PTBP2: variants seen among roughly 807,000 people sequenced by gnomAD.
PTBP2 encodes polypyrimidine tract-binding protein 2.
A neutral mutation model predicts 61.4 loss-of-function variants in PTBP2; 13 were observed. The observed-to-expected ratio is 0.21, with a 90% CI of 0.14 to 0.34. The LOEUF is 0.34. Ranked by LOEUF, PTBP2 falls within the 10% of genes least tolerant of loss-of-function variation. PTBP2 has a pLI of 1.00. For missense variants in PTBP2, 405 were observed against 642.6 expected, an observed-to-expected ratio of 0.63 and a Z score of 4.00; for synonymous variants, 215 against 218.5, an observed-to-expected ratio of 0.98 and a Z score of 0.14.
intron 3 of PTBP2, among the ~76,000 whole-genome samples, chr1:96,755,165 C>T (rs1213896207): frequency 6.6e-6 from 1 of 152,100 alleles, no homozygotes; most frequent in African/African-American, 2.4e-5. Context: ...CAACAAACTA[C>T]TCAATGAATT....
chr1:96,765,626 A>G (rs2100991635), intron 3 of PTBP2, among the ~76,000 whole-genome samples: 1 of 152,156 alleles, frequency 6.6e-6, no homozygotes, highest in South Asian at 2.1e-4. Context: ...CACGAGAATC[A>G]CTTAAACCTG....
intron 8 of PTBP2, among the ~76,000 whole-genome samples, chr1:96,793,341 AGTT>A (rs1178671661): frequency 1.3e-5 from 2 of 152,056 alleles, no homozygotes; most frequent in Admixed American, 1.3e-4. Flanking sequence ...AAGTAGATAG[AGTT>A]GTTCATTTAA....
intron 2 of PTBP2, among the ~76,000 whole-genome samples, chr1:96,723,877 A>G (rs376814063): frequency 6.6e-6 from 1 of 152,150 alleles, no homozygotes; most frequent in Non-Finnish European, 1.5e-5. Context: ...CGATACCCCA[A>G]TTTTCTGAGG....
At chr1:96,742,662 C>CTTTTTTTT (rs373120041) in intron 2 of PTBP2, among the ~76,000 whole-genome samples, 3 of 120,008 alleles carry the variant, frequency 2.5e-5, no homozygotes, top group African/African-American at 3.0e-5. Flanking sequence ...ATAGCTTTGG[C>CTTTTTTTT]TTTTTTTTTT....
At chr1:96,772,977 G>GC (rs1421074209) in intron 5 of PTBP2, among the ~76,000 whole-genome samples, 1 of 150,546 alleles carries the variant, frequency 6.6e-6, no homozygotes, top group Non-Finnish European at 1.5e-5. Flanking sequence ...AAAAAAATTA[G>GC]CCAGGCATGG....
chr1:96,741,929 A>G (rs1217891882), intron 2 of PTBP2, among the ~76,000 whole-genome samples: 1 of 152,164 alleles, frequency 6.6e-6, no homozygotes, highest in African/African-American at 2.4e-5. Flanking sequence ...TTTCTGTGCT[A>G]TGTCTTGTAG....
chr1:96,789,476 G>A (rs1659558967), intron 8 of PTBP2, among the ~76,000 whole-genome samples: 1 of 152,088 alleles, frequency 6.6e-6, no homozygotes, highest in Non-Finnish European at 1.5e-5. Context: ...GTTTTACTAT[G>A]TAGCAAGAGT....
In PTBP2 at chr1:96,812,692, G is replaced by T. The variant is rs186509080; in HGVS notation, c.1172-20G>T. On this transcript the variant is annotated intron_variant, in intron 11 of 13. Coordinates refer to ENST00000674951, the MANE Select transcript of PTBP2 (RefSeq NM_021190.4). ...TGAGCTTTGATATTGTTTGTTAATA[G>T]ACATGCTTTCTTTTTATAGCCATGA... The T allele has an allele frequency of 1.3e-6, 2 of 1,501,600 alleles. No homozygotes were observed. Among genetic ancestry groups the T allele is most frequent in the Admixed American group, 3.4e-5 (2 of 58,312 alleles). The allele number at this position is 1,501,600 out of a possible 1,614,324, so 93.0% of individuals were successfully genotyped here. A position where few individuals can be genotyped will look rare whatever the true frequency, so the allele number is the denominator to read the frequency against.
At chr1:96,740,806 TTGCCATATA>T (rs1652902651) in intron 2 of PTBP2, among the ~76,000 whole-genome samples, 2 of 151,992 alleles carry the variant, frequency 1.3e-5, no homozygotes, top group Non-Finnish European at 2.9e-5. Flanking sequence ...TATATTTTCA[TTGCCATATA>T]GTATATGATA....
chr1:96,744,321 TA>T (rs1159312435), intron 2 of PTBP2, among the ~76,000 whole-genome samples: 6 of 152,188 alleles, frequency 3.9e-5, no homozygotes, highest in South Asian at 4.1e-4. Flanking sequence ...TACATATATA[TA>T]TATTTTTTAA....
At chr1:96,747,021 A>T (rs1237220879) in intron 2 of PTBP2, among the ~76,000 whole-genome samples, 1 of 150,776 alleles carries the variant, frequency 6.6e-6, no homozygotes, top group African/African-American at 2.4e-5. Flanking sequence ...TTTGCAATAC[A>T]AGTGATCCTG....
chr1:96,813,169 T>C, intron 13 of PTBP2, 63 bp downstream of exon 13: 1 of 1,545,158 alleles, frequency 6.5e-7, no homozygotes, highest in Non-Finnish European at 8.8e-7. Context: ...GTTTTTGTTC[T>C]TTTCGTTTAT....
chr1:96,800,054 C>T (rs1467786499), intron 8 of PTBP2, among the ~76,000 whole-genome samples: 1 of 152,148 alleles, frequency 6.6e-6, no homozygotes, highest in Non-Finnish European at 1.5e-5. Flanking sequence ...AAGAGAAATA[C>T]ATACGAGTGG....
At chr1:96,734,054 A>G (rs1045245818) in intron 2 of PTBP2, among the ~76,000 whole-genome samples, 4 of 152,206 alleles carry the variant, frequency 2.6e-5, no homozygotes, top group South Asian at 4.1e-4. Flanking sequence ...TGGTTAAGTG[A>G]TATTTTCACT....
Position 96,787,106 on chromosome 1 carries a change from C to T in PTBP2, c.904+1852C>T, listed in dbSNP as rs193204810. 2.3e-3 allele frequency among the ~76,000 whole-genome samples: 350 copies of T among 152,228 alleles called. 1 individual carries two copies. The highest frequency in any genetic ancestry group is 2.9e-3 in the Non-Finnish European group (200 of 68,008). On this transcript the variant is annotated intron_variant, in intron 8 of 13. Transcript: ENST00000674951. ...CGCAGTCTCGGCTCACTGCAACTTC[C>T]GCCTCCCGGGTTCAAGCGATTCTCC... is the stretch of plus-strand genomic sequence containing the variant.
At chr1:96,804,128 C>T (rs539737067) in intron 8 of PTBP2, among the ~76,000 whole-genome samples, 98 of 152,276 alleles carry the variant, frequency 6.4e-4, no homozygotes, top group African/African-American at 2.2e-3. Flanking sequence ...TAGGAAAATA[C>T]TGAAACAAAA....
At chr1:96,786,525 A>G (rs1165402037) in intron 8 of PTBP2, among the ~76,000 whole-genome samples, 1 of 152,200 alleles carries the variant, frequency 6.6e-6, no homozygotes, top group Admixed American at 6.5e-5. Flanking sequence ...AGGCAAAGTC[A>G]GGAATGAAAG....
Position 96,754,926 on chromosome 1 carries a change from C to T in PTBP2, c.115+3426C>T, listed in dbSNP as rs193248772. Among the ~76,000 whole-genome samples, 99 of 151,772 alleles carry T rather than the reference C, an allele frequency of 6.5e-4. No individual in the cohort carries two copies. The Middle Eastern group carries it at 0.01, about 16-fold the overall frequency. The stretch of plus-strand genomic sequence containing the variant: ...TCTAGAAAAAAATACAGAAAATCTT[C>T]GTGACTTTGGATTAAGCAGGAATGT... On this transcript the variant is annotated intron_variant, in intron 3 of 13. Coordinates refer to ENST00000674951, the MANE Select transcript of PTBP2 (RefSeq NM_021190.4).
At chr1:96,722,058 G>A (rs1199279584) in intron 1 of PTBP2, among the ~76,000 whole-genome samples, 186 bp downstream of exon 1, 1 of 152,106 alleles carries the variant, frequency 6.6e-6, no homozygotes, top group Non-Finnish European at 1.5e-5. Context: ...TCGAGAAAAT[G>A]AGAAGAAAGC....
Sources: gnomAD v4.1 joint callset for allele counts (sites outside exome capture counted in the v4.1 genomes callset) on GRCh38, gnomAD v4.1.1 for gene constraint, MANE v1.5 for transcripts, NCBI Gene and HGNC (gene_info 2026-07-23, HGNC 2026-07-21) for gene names.